The following GRID1 variants were observed in gnomAD, a reference collection of about 807,000 sequenced individuals.
GRID1 encodes the protein glutamate ionotropic receptor delta type subunit 1.
A neutral mutation model predicts 98.0 loss-of-function variants in GRID1; 28 were observed. The observed-to-expected ratio is 0.29, with a 90% CI of 0.21 to 0.39. The LOEUF (loss-of-function observed/expected upper bound fraction) is 0.39, where lower values mean the gene tolerates loss of function less well. GRID1 is among the 10% of genes least tolerant of loss of function. GRID1 has a pLI of 1.00. For synonymous variants in GRID1, 553 were observed against 538.5 expected (o/e 1.03, Z -0.37); for missense variants, 1,111 against 1,340.5 (o/e 0.83, Z 2.67).
intron 4 of GRID1, among the ~76,000 whole-genome samples, chr10:85,931,934 C>A (rs1361745719): frequency 6.6e-6 from 1 of 152,184 alleles, no homozygotes; most frequent in Non-Finnish European, 1.5e-5. Flanking sequence ...CCAGAAAAGA[C>A]TCCTATTATA....
chr10:85,912,797 T>C (rs1841558810), intron 5 of GRID1, among the ~76,000 whole-genome samples: 1 of 152,240 alleles, frequency 6.6e-6, no homozygotes, highest in African/African-American at 2.4e-5. Flanking sequence ...TGCCCCTGAC[T>C]TTCTCTTTTT....
chr10:85,770,352 G>A (rs1284941563), intron 8 of GRID1, among the ~76,000 whole-genome samples: 2 of 151,992 alleles, frequency 1.3e-5, no homozygotes, highest in Admixed American at 1.3e-4. Flanking sequence ...AAGACGAAAA[G>A]TAGATAAAAC....
chr10:86,106,800 C>T lies in GRID1; in HGVS notation c.726+32019G>A, dbSNP rs561685115. Among the ~76,000 whole-genome samples the T allele has an allele frequency of 1.7e-4, 26 of 152,076 alleles. No individual in the cohort carries two copies. The East Asian group carries it at 3.7e-3, about 21-fold the overall frequency. On this transcript the variant is annotated intron_variant, in intron 4 of 15. Coordinates refer to ENST00000327946, the MANE Select transcript of GRID1 (RefSeq NM_017551.3). ...CATGGCCGCTGGCAATGGAGAGTTC[C>T]GGGAATGGGCAGGCTCCAGGATGAG... is the stretch of plus-strand genomic sequence containing the variant.
At chr10:85,704,888 G>A (rs1841497491) in intron 12 of GRID1, among the ~76,000 whole-genome samples, 1 of 152,186 alleles carries the variant, frequency 6.6e-6, no homozygotes, top group South Asian at 2.1e-4. Flanking sequence ...ATAACGAAAG[G>A]AAGGCAGAAA....
At chr10:85,740,401 G>T (rs1370801920) in intron 8 of GRID1, among the ~76,000 whole-genome samples, 1 of 152,112 alleles carries the variant, frequency 6.6e-6, no homozygotes, top group Non-Finnish European at 1.5e-5. Flanking sequence ...TAATTGACCC[G>T]AATTAATGAC....
intron 3 of GRID1, among the ~76,000 whole-genome samples, chr10:86,155,811 G>A (rs1211816274): frequency 8.5e-5 from 13 of 152,164 alleles, no homozygotes; most frequent in East Asian, 1.9e-4. Flanking sequence ...ATCTCTAGCC[G>A]GGGCTGGGCT....
intron 13 of GRID1, among the ~76,000 whole-genome samples, chr10:85,633,698 T>C (rs1843000959): frequency 1.3e-5 from 2 of 152,250 alleles, no homozygotes; most frequent in Admixed American, 6.5e-5. Context: ...TATTCCTTTA[T>C]AGCCTTTGCT....
intron 4 of GRID1, among the ~76,000 whole-genome samples, chr10:86,040,625 C>T (rs1223112932): frequency 6.6e-6 from 1 of 151,138 alleles, no homozygotes; most frequent in East Asian, 1.9e-4. Context: ...CCAATGAGTA[C>T]ATTGTTAACG....
intron 4 of GRID1, among the ~76,000 whole-genome samples, chr10:86,016,440 C>CT (rs1842982041): frequency 6.6e-6 from 1 of 151,972 alleles, no homozygotes; most frequent in Non-Finnish European, 1.5e-5. Context: ...CAAATGTTTG[C>CT]TAAGGAATCA....
intron 4 of GRID1, among the ~76,000 whole-genome samples, chr10:85,973,226 C>A (rs541205960): frequency 2.0e-5 from 3 of 152,222 alleles, no homozygotes; most frequent in African/African-American, 7.2e-5. Flanking sequence ...ATTTTCCCTT[C>A]ACTTTTTTTT....
intron 13 of GRID1, among the ~76,000 whole-genome samples, chr10:85,644,461 T>A (rs780070841): frequency 9.2e-5 from 14 of 152,212 alleles, no homozygotes; most frequent in Non-Finnish European, 1.8e-4. Flanking sequence ...GAGGGTATAA[T>A]ATTCTGTGTT....
At chr10:86,268,686 A>C (rs1034982458) in intron 2 of GRID1, among the ~76,000 whole-genome samples, 1 of 152,250 alleles carries the variant, frequency 6.6e-6, no homozygotes, top group African/African-American at 2.4e-5. Flanking sequence ...CACGTGAAGC[A>C]TGTTAGAAAG....
intron 3 of GRID1, among the ~76,000 whole-genome samples, chr10:86,146,925 C>A (rs921818791): frequency 1.8e-4 from 27 of 152,180 alleles, no homozygotes; most frequent in African/African-American, 6.5e-4. Flanking sequence ...TGGAAGTCAG[C>A]GGGGCACCAA....
At chr10:85,699,273 C>T (rs1441931596) in intron 12 of GRID1, among the ~76,000 whole-genome samples, 7 of 152,060 alleles carry the variant, frequency 4.6e-5, no homozygotes, top group African/African-American at 1.4e-4. Context: ...GGGCTGGTCT[C>T]GAGCTCCTGA....
intron 12 of GRID1, among the ~76,000 whole-genome samples, chr10:85,705,759 A>T (rs1313522527): frequency 6.6e-6 from 1 of 152,176 alleles, no homozygotes; most frequent in African/African-American, 2.4e-5. Context: ...CTTACCCACC[A>T]TGAGCCACCA....
At chr10:85,928,336 A>G (rs941987120) in intron 4 of GRID1, among the ~76,000 whole-genome samples, 1 of 152,248 alleles carries the variant, frequency 6.6e-6, no homozygotes, top group African/African-American at 2.4e-5. Context: ...GAGATGAGTA[A>G]TCACAGGAGC....
chr10:86,280,018 C>G (rs1420548355), intron 2 of GRID1, among the ~76,000 whole-genome samples: 3 of 152,098 alleles, frequency 2.0e-5, no homozygotes, highest in African/African-American at 4.8e-5. Context: ...GCCTGGGCAA[C>G]ATAACAAGAT....
intron 4 of GRID1, among the ~76,000 whole-genome samples, chr10:85,946,936 T>G (rs767940856): frequency 6.6e-6 from 1 of 152,012 alleles, no homozygotes; most frequent in Non-Finnish European, 1.5e-5. Flanking sequence ...AATGCGGAAA[T>G]GTGGATGACT....
intron 8 of GRID1, among the ~76,000 whole-genome samples, chr10:85,807,390 T>G (rs1382555748): frequency 6.6e-6 from 1 of 150,822 alleles, no homozygotes; most frequent in Non-Finnish European, 1.5e-5. Context: ...GAATCTTGAT[T>G]TATTAAGATT....
Sources: gnomAD v4.1 joint callset for allele counts (sites outside exome capture counted in the v4.1 genomes callset) on GRCh38, gnomAD v4.1.1 for gene constraint, MANE v1.5 for transcripts, NCBI Gene and HGNC (gene_info 2026-07-23, HGNC 2026-07-21) for gene names.